SNX20: variants seen among roughly 807,000 people sequenced by gnomAD.
SNX20 encodes sorting nexin 20, also known as sorting nexin-20.
A neutral mutation model predicts 24.5 loss-of-function variants in SNX20; 21 were observed. The ratio of observed to expected loss-of-function variants is 0.86; its 90% CI spans 0.61 to 1.23. SNX20 has a LOEUF of 1.23. SNX20 is among the 50% of genes most tolerant of loss of function. SNX20 has a pLI of 0.00. For synonymous variants in SNX20, 206 were observed against 192.8 expected (o/e 1.07, Z -0.57); for missense variants, 433 against 430.8 (o/e 1.00, Z -0.04).
chr16:50,679,444 C>T (rs1041294728), intron 1 of SNX20, among the ~76,000 whole-genome samples: 1 of 152,212 alleles, frequency 6.6e-6, no homozygotes, highest in African/African-American at 2.4e-5. Context: ...TTTGGCTCTG[C>T]ACAGCCATCC....
At position 50,666,550 on chromosome 16, in the gene SNX20, A is replaced by G. The variant is rs1208755211; in HGVS notation, c.*2491T>C. ...ATATGCATTAGAATACAATGAAACC[A>G]TTAAACATAATGTGGAAGAATATTG... On this transcript the variant is annotated 3_prime_UTR_variant, in exon 4 of 4. Coordinates refer to the SNX20 transcript ENST00000300590. 2.0e-5 allele frequency: 3 copies of G among 152,258 alleles called. No individual in the cohort carries two copies. The East Asian group carries it at 5.8e-4, about 29-fold the overall frequency. 9.4% of individuals were successfully genotyped at this position (152,258 alleles called of 1,614,324 possible). A position where few individuals can be genotyped will look rare whatever the true frequency, so the allele number is the denominator to read the frequency against.
rs1262945661 is a variant in SNX20, at chr16:50,677,429, T to C, written c.98A>G (p.Asp33Gly). The C allele has an allele frequency of 3.1e-6, 5 of 1,607,398 alleles. No individual in the cohort carries two copies. The highest frequency in any genetic ancestry group is 1.3e-5 in the African/African-American group (1 of 74,640). ...CCCGTCAGGTCCTGGGTGCGGGAGG[T>C]CGGGGCCAGTGGCTGGTGCTTCCTG... is the stretch of plus-strand genomic sequence containing the variant. ...TQQEAPATGP[D>G]LPHPGPDGHL... Residue 33 changes from aspartate to glycine, a missense_variant, in exon 2 of 4, where the codon GAC (aspartate) becomes GGC (glycine). Physicochemically the swap from Asp to Gly is moderately conservative, Grantham distance 94 (BLOSUM62 -1). Transcript: ENST00000330943.
chr16:50,680,432 G>T (rs1321355947), intron 1 of SNX20, among the ~76,000 whole-genome samples: 1 of 152,146 alleles, frequency 6.6e-6, no homozygotes, highest in Admixed American at 6.5e-5. Flanking sequence ...CTGCCTTCCA[G>T]CCGTGTGTGC....
rs965624846 is a variant in SNX20, at chr16:50,673,120, G to C, written c.*286C>G. ...AAGTTAGAGACCAGCCTGGGCAACA[G>C]AGAGACCCTGTCTCTACTAAAAAAT... On this transcript the variant is annotated 3_prime_UTR_variant, in exon 4 of 4. Coordinates refer to ENST00000330943, the MANE Select transcript of SNX20 (RefSeq NM_182854.4). This position sits in a 1 kb window ranked among gnomAD's most constrained non-coding sequence, Gnocchi z 4.1. 1 of 292,684 alleles carries C rather than the reference G, an allele frequency of 3.4e-6. No individual in the cohort carries two copies. The highest frequency in any genetic ancestry group is 2.2e-5 in the African/African-American group (1 of 45,976). 18.1% of individuals were successfully genotyped at this position (292,684 alleles called of 1,614,324 possible). A position where few individuals can be genotyped will look rare whatever the true frequency, so the allele number is the denominator to read the frequency against.
At chr16:50,679,044 A>C (rs1046304786) in intron 1 of SNX20, among the ~76,000 whole-genome samples, 2 of 143,792 alleles carry the variant, frequency 1.4e-5, no homozygotes, top group African/African-American at 5.4e-5. Context: ...TTAAAACATT[A>C]GATCGGCTGG....
In SNX20 at chr16:50,675,779, A is replaced by G. The variant is rs1349559604; in HGVS notation, c.273T>C (p.Ser91=). 2 of 1,613,230 alleles carry G rather than the reference A, an allele frequency of 1.2e-6. No homozygotes were observed. The highest frequency in any genetic ancestry group is 4.5e-5 in the East Asian group (2 of 44,848). Residue 91 remains serine (S), a synonymous_variant, in exon 3 of 4, where the codon TCT becomes TCC. Coordinates refer to ENST00000330943, the MANE Select transcript of SNX20 (RefSeq NM_182854.4). ...ASARIEERKV[S]KFVVYQIIVI... ...CCCAATCTCTGCTTACCACAAACTT[A>G]GAGACTTTTCTCTCCTCGATGCGAG...
At chr16:50,680,614 G>A (rs1431353835) in intron 1 of SNX20, among the ~76,000 whole-genome samples, 1 of 152,178 alleles carries the variant, frequency 6.6e-6, no homozygotes, top group Non-Finnish European at 1.5e-5. Flanking sequence ...GTGAAATAAA[G>A]CACATGGCCC....
Position 50,673,574 on chromosome 16 carries a change from C to T in SNX20, c.783G>A (p.Glu261=). 2.5e-6 allele frequency: 4 copies of T among 1,598,458 alleles called. No homozygotes were observed. Among genetic ancestry groups the T allele is most frequent in the Non-Finnish European group, 3.4e-6 (4 of 1,176,148 alleles). Residue 261 remains glutamate (E), a synonymous_variant, in exon 4 of 4, where the codon GAG becomes GAA. Coordinates refer to ENST00000330943, the MANE Select transcript of SNX20 (RefSeq NM_182854.4). The surrounding 1 kb of genome is among the most constrained non-coding windows in gnomAD (Gnocchi z 4.1). ...GCAGAGGCGCATAGTAGCGATGGCC[C>T]TCCCGGGCCTGCAGGCGCTGCAGGG... ...ERALQRLQAR[E]GHRYYAPLLD...
At chr16:50,674,537 T>G (rs111874056) in intron 3 of SNX20, among the ~76,000 whole-genome samples, 565 of 152,244 alleles carry the variant, frequency 3.7e-3, no homozygotes, top group African/African-American at 0.013. Flanking sequence ...CATGAGCCAC[T>G]GCACCTGGCC....
intron 2 of SNX20, 145 bp from the exon 3 acceptor site, chr16:50,676,066 A>G (rs1056068697): frequency 8.9e-6 from 8 of 896,956 alleles, no homozygotes; most frequent in Non-Finnish European, 1.3e-5. Context: ...CCCGCCATTT[A>G]TAGGCCCAAT....
chr16:50,675,969 C>T (rs375001741), intron 2 of SNX20, 48 bp from the exon 3 acceptor site: 72 of 1,543,550 alleles, frequency 4.7e-5, no homozygotes, highest in African/African-American at 3.8e-4. Flanking sequence ...AGTGCACTTC[C>T]GAGGCATGGG....
At chr16:50,668,265 AC>A, downstream of SNX20, 1 of 1,418,392 alleles carries the variant, frequency 7.1e-7, no homozygotes, top group Non-Finnish European at 9.2e-7. Flanking sequence ...TTGCAGGACA[AC>A]ATTTTCCAGT....
downstream of SNX20, chr16:50,668,775 C>T: frequency 8.3e-7 from 1 of 1,207,790 alleles, no homozygotes. Flanking sequence ...CAACCTACCC[C>T]TACCAGCAGG....
chr16:50,675,625 T>C, intron 3 of SNX20, 145 bp downstream of exon 3: 1 of 1,020,278 alleles, frequency 9.8e-7, no homozygotes, highest in Non-Finnish European at 1.4e-6. Context: ...AATCTTGCTC[T>C]TTGGCCATTT....
chr16:50,680,836 G>T (rs543950855), intron 1 of SNX20, among the ~76,000 whole-genome samples: 1 of 152,350 alleles, frequency 6.6e-6, no homozygotes, highest in Non-Finnish European at 1.5e-5. Flanking sequence ...AACATAGGAA[G>T]GTGCCATTGA....
chr16:50,674,121 G>C (rs986073018), intron 3 of SNX20, 47 bp from the exon 4 acceptor site: 1 of 1,538,092 alleles, frequency 6.5e-7, no homozygotes, highest in Non-Finnish European at 8.7e-7. Flanking sequence ...GGCGGGGGCT[G>C]CGGCGGACGG....
chr16:50,669,265 A>G, downstream of SNX20: 1 of 653,694 alleles, frequency 1.5e-6, no homozygotes, highest in Non-Finnish European at 2.8e-6. Context: ...TTTGGCTCAC[A>G]GTTGTGCAGG....
At chr16:50,679,461 C>T (rs1202115518) in intron 1 of SNX20, among the ~76,000 whole-genome samples, 15 of 152,142 alleles carry the variant, frequency 9.9e-5, no homozygotes, top group Non-Finnish European at 1.5e-4. Flanking sequence ...ATCCAGTGGG[C>T]GGCCCTCAGG....
chr16:50,678,620 GTGGGCAGGATACAGACCCAGGC>G (rs958392046), intron 1 of SNX20, among the ~76,000 whole-genome samples: 6 of 152,234 alleles, frequency 3.9e-5, no homozygotes, highest in Non-Finnish European at 8.8e-5. Context: ...CTGGTGAGTG[GTGGGCAGGATACAGACCCAGGC>G]TGGGCTGACT....
Sources: gnomAD v4.1 joint callset for allele counts (sites outside exome capture counted in the v4.1 genomes callset) on GRCh38, gnomAD v4.1.1 for gene constraint, Gnocchi (gnomAD v3.1) non-coding constraint, MANE v1.5 for transcripts, NCBI Gene and HGNC (gene_info 2026-07-23, HGNC 2026-07-21) for gene names.